The following NBR1 variants were observed in gnomAD, a reference collection of about 807,000 sequenced individuals.
NBR1 encodes the protein NBR1 autophagy cargo receptor, also known as next to BRCA1 gene 1 protein.
A neutral mutation model predicts 115.5 loss-of-function variants in NBR1; 59 were observed. The ratio of observed to expected loss-of-function variants is 0.51; its 90% CI spans 0.41 to 0.63. The LOEUF (loss-of-function observed/expected upper bound fraction) is 0.63, where lower values mean the gene tolerates loss of function less well. Among genes scored for constraint, NBR1 ranks in the 30% least tolerant of loss-of-function variants. The probability of loss-of-function intolerance (pLI) is 0.00; values close to 1 mark genes in which losing one functional copy is unlikely to be tolerated. For synonymous variants in NBR1, 373 were observed against 414.7 expected, an observed-to-expected ratio of 0.90 and a Z score of 1.22; for missense variants, 1,043 against 1,150.5, an observed-to-expected ratio of 0.91 and a Z score of 1.35.
intron 17 of NBR1, among the ~76,000 whole-genome samples, chr17:43,200,831 T>G (rs2057181610): frequency 6.6e-6 from 1 of 152,028 alleles, no homozygotes; most frequent in Non-Finnish European, 1.5e-5. Context: ...GAGTATAGTC[T>G]GTCTGCTTAT....
chr17:43,175,915 T>A lies in NBR1; in HGVS notation c.102+14T>A. ...ATCGAAGCTATGGTGAGTGTTACTTTATTTTGTTTCTCCTTGGTTTAAGCA... is the reference window on the plus strand; with the variant it reads ...ATCGAAGCTATGGTGAGTGTTACTTAATTTTGTTTCTCCTTGGTTTAAGCA... On this transcript the variant is annotated intron_variant, in intron 2 of 20. Coordinates refer to ENST00000590996, the MANE Select transcript of NBR1 (RefSeq NM_005899.5). The A allele has an allele frequency of 6.9e-7, 1 of 1,443,510 alleles. No individual in the cohort carries two copies. 89.4% of individuals were successfully genotyped at this position (1,443,510 alleles called of 1,614,324 possible).
rs1409050525 is a variant in NBR1, at chr17:43,186,327, A to G, written c.285A>G (p.Pro95=). 6 of 1,594,262 alleles carry G rather than the reference A, an allele frequency of 3.8e-6. No homozygotes were observed. Among genetic ancestry groups the G allele is most frequent in the Non-Finnish European group, 5.1e-6 (6 of 1,170,442 alleles). The change falls in exon 6 of 21, where the codon CCA becomes CCG. Residue 95 remains proline (P), a synonymous_variant. Coordinates refer to ENST00000590996, the MANE Select transcript of NBR1 (RefSeq NM_005899.5). ...GHHVVDEAPP[P]VVGAKRLAAR... The stretch of plus-strand genomic sequence containing the variant: ...ATGTCGTTGATGAAGCCCCACCCCC[A>G]GTTGTAGGAGCAAAACGACTAGCTG...
intron 5 of NBR1, among the ~76,000 whole-genome samples, chr17:43,181,310 A>C (rs1305982745): frequency 6.6e-6 from 1 of 152,218 alleles, no homozygotes; most frequent in Non-Finnish European, 1.5e-5. Flanking sequence ...ATTCATAATA[A>C]AAAGGTCCTT....
At chr17:43,195,365 G>C in intron 14 of NBR1, 1 of 302,270 alleles carries the variant, frequency 3.3e-6, no homozygotes. Flanking sequence ...AAATTAGCTG[G>C]GTGTGGCCAG....
intron 1 of NBR1, among the ~76,000 whole-genome samples, chr17:43,175,475 C>T (rs552434100): frequency 6.6e-6 from 1 of 152,318 alleles, no homozygotes; most frequent in South Asian, 2.1e-4. Context: ...AATTTAAATA[C>T]TTTCAGCATA....
rs1000162940 is a variant in NBR1 at position 43,209,529 on chromosome 17, A to G, written c.2728-372A>G. 5 of 1,502,608 alleles carry G rather than the reference A, an allele frequency of 3.3e-6. No individual in the cohort carries two copies. The African/African-American group carries it at 4.1e-5, about 12-fold the overall frequency. 93.1% of individuals were successfully genotyped at this position (1,502,608 alleles called of 1,614,324 possible). On this transcript the variant is annotated intron_variant, in intron 20 of 20. Coordinates refer to ENST00000590996, the MANE Select transcript of NBR1 (RefSeq NM_005899.5). ...CTTTTATCTTGCTCATACTTCCCCC[A>G]TCATCACAATTACACTTATGTTCAC...
Position 43,180,798 on chromosome 17 carries a change from A to T in NBR1, c.188A>T (p.Glu63Val). ...NEEVSINSQG[E>V]YEEALKMAVK... is the part of the protein sequence containing the mutation. ...TGTATATTTTTTGTTCTTTTAGGAG[A>T]ATATGAAGAAGCGCTTAAGGTAATG... Residue 63 changes from glutamate (E) to valine (V), a missense_variant, in exon 5 of 21, where the codon GAA becomes GTA. Glu to Val is a moderately radical substitution (Grantham distance 121). Coordinates refer to ENST00000590996, the MANE Select transcript of NBR1 (RefSeq NM_005899.5). 1 of 1,456,156 alleles carries T rather than the reference A, an allele frequency of 6.9e-7. No homozygotes were observed. The highest frequency in any genetic ancestry group is 1.4e-5 in the South Asian group (1 of 70,782). The allele number at this position is 1,456,156 out of a possible 1,614,324, so 90.2% of individuals were successfully genotyped here.
chr17:43,200,867 G>GT (rs556106085), intron 17 of NBR1, among the ~76,000 whole-genome samples: 41,859 of 123,606 alleles, frequency 0.34, 7,852 homozygotes, highest in South Asian at 0.5. Context: ...AGCTGGTTGT[G>GT]TTTTTTTTTT....
intron 3 of NBR1, among the ~76,000 whole-genome samples, chr17:43,179,135 G>A (rs893891861): frequency 6.1e-4 from 93 of 152,140 alleles, no homozygotes; most frequent in African/African-American, 2.1e-3. Context: ...TAAAGTAGCC[G>A]TTCAGTCCAT....
rs772134578 is a variant in NBR1 at position 43,191,538 on chromosome 17, C to T, written c.1030C>T (p.Pro344Ser). Reference sequence around the variant, plus strand: ...CCATGGACTCCAGAGCCCCAAGTCTCCTTTAGGCCGACCTGAGAGCTTGCT... The same window carrying T: ...CCATGGACTCCAGAGCCCCAAGTCTTCTTTAGGCCGACCTGAGAGCTTGCT... ...SIHGLQSPKS[P>S]LGRPESLLQS... The change falls in exon 10 of 21, where the codon CCT (proline) becomes TCT (serine). Residue 344 changes from proline (P) to serine (S), a missense_variant. Coordinates refer to ENST00000590996, the MANE Select transcript of NBR1 (RefSeq NM_005899.5). 6.2e-7 allele frequency: 1 copy of T among 1,613,292 alleles called. No individual in the cohort carries two copies. The highest frequency in any genetic ancestry group is 1.7e-5 in the Admixed American group (1 of 59,924).
chr17:43,197,724 T>C (rs1259228202), intron 16 of NBR1, among the ~76,000 whole-genome samples: 1 of 152,156 alleles, frequency 6.6e-6, no homozygotes, highest in Non-Finnish European at 1.5e-5. Flanking sequence ...TTCCTGTAAT[T>C]TGACAGAGCT....
intron 2 of NBR1, 29 bp from the exon 3 acceptor site, chr17:43,177,907 C>T (rs1293994579): frequency 1.4e-6 from 2 of 1,455,004 alleles, no homozygotes; most frequent in Non-Finnish European, 1.9e-6. Flanking sequence ...ACATTATAAC[C>T]TGCCTTTAAA....
At chr17:43,189,563 C>T in intron 7 of NBR1, 25 bp from the exon 8 acceptor site, 1 of 1,572,856 alleles carries the variant, frequency 6.4e-7, no homozygotes, top group Non-Finnish European at 8.7e-7. Context: ...TGAGTTTTTT[C>T]CCTACCTTCT....
intron 7 of NBR1, 44 bp downstream of exon 7, chr17:43,189,163 C>T (rs1381729436): frequency 3.7e-6 from 5 of 1,355,638 alleles, no homozygotes; most frequent in African/African-American, 2.9e-5. Flanking sequence ...GGTGTTGGCA[C>T]AGGTGGAATG....
chr17:43,198,065 G>A (rs1251129023), intron 16 of NBR1, among the ~76,000 whole-genome samples: 2 of 151,954 alleles, frequency 1.3e-5, no homozygotes, highest in Non-Finnish European at 2.9e-5. Context: ...GTACTTGGGA[G>A]GCTGAGGCAG....
chr17:43,200,245 T>TGGAGGAGGA lies in NBR1; in HGVS notation c.2112_2120dup (p.Glu704_Glu706dup). 6.4e-7 allele frequency: 1 copy of TGGAGGAGGA among 1,551,492 alleles called. No individual in the cohort carries two copies. The highest frequency in any genetic ancestry group is 8.7e-7 in the Non-Finnish European group (1 of 1,146,766). On this transcript the variant is annotated inframe_insertion, in exon 17 of 21. Transcript: ENST00000590996. ...CATATCGCTGAGGAAGAAGCTGTCA[T>TGGAGGAGGA]GGAGGAGGAGGAGGATGAGGAGGAT... is the stretch of plus-strand genomic sequence containing the variant.
chr17:43,204,792 C>A (rs527862921), intron 20 of NBR1, among the ~76,000 whole-genome samples: 1 of 126,144 alleles, frequency 7.9e-6, no homozygotes, highest in Admixed American at 9.2e-5. Context: ...TCCAGCCTGG[C>A]GACAGAACAA....
At chr17:43,189,343 C>T (rs920217031) in intron 7 of NBR1, among the ~76,000 whole-genome samples, 7 of 152,170 alleles carry the variant, frequency 4.6e-5, no homozygotes, top group Admixed American at 3.3e-4. Flanking sequence ...GGGAGAGGGA[C>T]AACTCTCTGC....
At chr17:43,173,829 C>T (rs1344732522) in intron 1 of NBR1, among the ~76,000 whole-genome samples, 1 of 131,744 alleles carries the variant, frequency 7.6e-6, no homozygotes, top group Non-Finnish European at 1.6e-5. Flanking sequence ...CTCCCCTCTG[C>T]CCCCCACCCC....
Sources: gnomAD v4.1 joint callset for allele counts (sites outside exome capture counted in the v4.1 genomes callset) on GRCh38, gnomAD v4.1.1 for gene constraint, MANE v1.5 for transcripts, NCBI Gene and HGNC (gene_info 2026-07-23, HGNC 2026-07-21) for gene names.